Variants in ENOSF1 observed in about 807,000 individuals in gnomAD.
ENOSF1 encodes mitochondrial enolase superfamily member 1.
ENOSF1 carries 73 observed loss-of-function variants against 68.2 expected under a neutral mutation model. The observed-to-expected ratio is 1.07, with a 90% confidence interval of 0.89 to 1.30. ENOSF1 has a LOEUF of 1.30. Ranked by LOEUF, ENOSF1 falls within the 50% of genes most tolerant of loss-of-function variation. The pLI is 0.00. For synonymous variants in ENOSF1, 223 were observed against 210.4 expected, an observed-to-expected ratio of 1.06 and a Z score of -0.52; for missense variants, 589 against 554.5, an observed-to-expected ratio of 1.06 and a Z score of -0.62.
intron 10 of ENOSF1, among the ~76,000 whole-genome samples, chr18:684,942 C>A (rs1182606804): frequency 1.3e-5 from 2 of 152,010 alleles, no homozygotes; most frequent in Admixed American, 1.3e-4. Flanking sequence ...CTCACTGCAG[C>A]CTCCAACTCC....
chr18:690,287 C>A (rs2077011829), intron 8 of ENOSF1, among the ~76,000 whole-genome samples: 1 of 150,792 alleles, frequency 6.6e-6, no homozygotes, highest in South Asian at 2.1e-4. Context: ...TGGCATCTGC[C>A]ATAGGGCAGT....
At chr18:674,523 A>C in intron 15 of ENOSF1, 117 bp from the exon 16 acceptor site, 1 of 554,622 alleles carries the variant, frequency 1.8e-6, no homozygotes, top group Non-Finnish European at 3.1e-6. Flanking sequence ...CAATTAATTA[A>C]TTTTTTTTTT....
chr18:690,815 T>G, intron 7 of ENOSF1, 184 bp from the exon 8 acceptor site: 1 of 1,454,686 alleles, frequency 6.9e-7, no homozygotes, highest in South Asian at 1.4e-5. Flanking sequence ...TCTCACGGAC[T>G]GCCCTGCTCC....
intron 1 of ENOSF1, among the ~76,000 whole-genome samples, chr18:711,614 A>C (rs1242905113): frequency 6.6e-6 from 1 of 152,104 alleles, no homozygotes; most frequent in East Asian, 1.9e-4. Context: ...CACAGAACCC[A>C]CTGTATTTGG....
At chr18:667,334 A>T (rs201309317), downstream of ENOSF1, among the ~76,000 whole-genome samples, 36 of 13,126 alleles carry the variant, frequency 2.7e-3, no homozygotes, top group African/African-American at 6.2e-3. Context: ...ATGGTGATGG[A>T]GATGGTGATG....
chr18:685,595 C>T (rs2076544163), intron 10 of ENOSF1, among the ~76,000 whole-genome samples: 1 of 152,104 alleles, frequency 6.6e-6, no homozygotes. Context: ...CCCCTGACAC[C>T]CTCCTACCTG....
intron 1 of ENOSF1, chr18:712,263 T>C (rs1675156): frequency 9.6e-6 from 14 of 1,461,708 alleles, no homozygotes; most frequent in Non-Finnish European, 1.2e-5. Flanking sequence ...GCCTCCCACT[T>C]TACAGAAGCA....
chr18:705,423 G>C (rs1243606491), intron 2 of ENOSF1, among the ~76,000 whole-genome samples: 4 of 152,192 alleles, frequency 2.6e-5, no homozygotes, highest in Non-Finnish European at 5.9e-5. Context: ...GGGCAGTCAG[G>C]TGGTTCTGCC....
At chr18:669,020 G>A (rs924765029), downstream of ENOSF1, 2 of 1,486,554 alleles carry the variant, frequency 1.3e-6, no homozygotes, top group Non-Finnish European at 1.9e-6. Context: ...GCCATCTCAT[G>A]ACATGTGTGA....
At chr18:688,429 G>A (rs1030279284) in intron 9 of ENOSF1, 145 bp downstream of exon 9, 6 of 959,046 alleles carry the variant, frequency 6.3e-6, no homozygotes, top group Non-Finnish European at 6.3e-6. Flanking sequence ...TGGCCTAAGG[G>A]GAAACTTCTC....
intron 8 of ENOSF1, 54 bp from the exon 9 acceptor site, chr18:688,662 AG>A (rs2144927401): frequency 1.3e-6 from 2 of 1,510,140 alleles, no homozygotes; most frequent in African/African-American, 1.4e-5. Context: ...TGGTCTGACC[AG>A]GAAGTCAGTC....
intron 2 of ENOSF1, among the ~76,000 whole-genome samples, chr18:704,897 C>T (rs942987764): frequency 3.9e-5 from 6 of 152,118 alleles, no homozygotes; most frequent in Non-Finnish European, 5.9e-5. Context: ...TGAATCACCA[C>T]GCCTGGCCTA....
At chr18:697,204 T>C (rs1261274454) in intron 3 of ENOSF1, 36 bp downstream of exon 3, 1 of 1,395,580 alleles carries the variant, frequency 7.2e-7, no homozygotes, top group East Asian at 2.3e-5. Context: ...TTGGTAATAT[T>C]ACTTATGTAA....
intron 7 of ENOSF1, 28 bp downstream of exon 7, chr18:691,040 C>T: frequency 1.9e-6 from 3 of 1,613,506 alleles, no homozygotes; most frequent in Non-Finnish European, 2.5e-6. Flanking sequence ...TTAGCAAAAA[C>T]AATGAAGAAA....
intron 2 of ENOSF1, among the ~76,000 whole-genome samples, chr18:702,514 G>T (rs568156650): frequency 1.4e-4 from 22 of 152,164 alleles, no homozygotes; most frequent in African/African-American, 5.1e-4. Flanking sequence ...GGTGGAGGCT[G>T]CAGTGAGCCA....
chr18:682,881 T>TCAAAA (rs71363253), intron 11 of ENOSF1: 18 of 182,264 alleles, frequency 9.9e-5, no homozygotes, highest in African/African-American at 1.7e-4. Flanking sequence ...AGACTCTATC[T>TCAAAA]CAAAACAAAA....
chr18:675,243 CCA>C (rs1390964090), intron 15 of ENOSF1, 76 bp downstream of exon 15: 4 of 1,102,768 alleles, frequency 3.6e-6, no homozygotes, highest in Admixed American at 2.0e-5. Flanking sequence ...GCTTGGTGCT[CCA>C]CAGTCTAGTT....
At chr18:684,522 C>T (rs1453221392) in intron 10 of ENOSF1, among the ~76,000 whole-genome samples, 2 of 151,922 alleles carry the variant, frequency 1.3e-5, no homozygotes, top group East Asian at 3.9e-4. Flanking sequence ...GAGTGAGACC[C>T]TATCTCAAAA....
chr18:694,734 TA>T (rs1031044147), intron 3 of ENOSF1, among the ~76,000 whole-genome samples: 2 of 151,900 alleles, frequency 1.3e-5, no homozygotes, highest in East Asian at 3.9e-4. Flanking sequence ...AGGTTAAGTT[TA>T]AAAAAAACAG....
Sources: allele counts gnomAD v4.1 joint callset (sites outside exome capture counted in the v4.1 genomes callset), GRCh38; gene constraint gnomAD v4.1.1; transcripts MANE v1.5; gene names NCBI Gene and HGNC (gene_info 2026-07-23, HGNC 2026-07-21).